Variants in PLGRKT observed in about 807,000 individuals in gnomAD.
PLGRKT encodes the protein plasminogen receptor with a C-terminal lysine, also known as plasminogen receptor (KT).
Under a neutral mutation model 18.5 loss-of-function variants are expected in PLGRKT, and 22 were observed. The observed-to-expected ratio is 1.19, with a 90% CI of 0.85 to 1.70. PLGRKT has a LOEUF of 1.70. Ranked by LOEUF, PLGRKT falls within the 40% of genes most tolerant of loss-of-function variation. PLGRKT has a pLI of 0.00. For synonymous variants in PLGRKT, 72 were observed against 52.8 expected (o/e 1.36, Z -1.58); for missense variants, 235 against 174.4 (o/e 1.35, Z -1.96).
intron 3 of PLGRKT, among the ~76,000 whole-genome samples, chr9:5,397,675 C>T (rs375065678): frequency 2.5e-4 from 37 of 149,154 alleles, no homozygotes; most frequent in African/African-American, 9.1e-4. Flanking sequence ...GGCTTGGAGG[C>T]ATCTGCCTAA....
upstream of PLGRKT, among the ~76,000 whole-genome samples, chr9:5,438,218 C>CT (rs960245611): frequency 7.9e-5 from 12 of 152,172 alleles, no homozygotes; most frequent in African/African-American, 2.4e-4. Flanking sequence ...ATTACCCATT[C>CT]TTTTTTGAAC....
In PLGRKT at chr9:5,396,437, C is replaced by T. The variant is rs143036952; in HGVS notation, c.82-34549G>A. ...AGTAGCTGGCACTACAGGCATGTACCACCACACATGGCTAATTTTTGTATT... is the reference window on the plus strand; with the variant it reads ...AGTAGCTGGCACTACAGGCATGTACTACCACACATGGCTAATTTTTGTATT... On this transcript the variant is annotated intron_variant, in intron 3 of 5. Transcript: ENST00000223864. 4.7e-3 allele frequency among the ~76,000 whole-genome samples: 713 copies of T among 151,408 alleles called. 17 individuals are homozygous for T. The highest frequency in any genetic ancestry group is 0.017 in the African/African-American group (694 of 41,010).
At chr9:5,364,448 T>C (rs962710691) in intron 3 of PLGRKT, among the ~76,000 whole-genome samples, 1 of 152,208 alleles carries the variant, frequency 6.6e-6, no homozygotes, top group Non-Finnish European at 1.5e-5. Flanking sequence ...ATTCTGCATT[T>C]GTCAAAACTC....
intron 3 of PLGRKT, among the ~76,000 whole-genome samples, chr9:5,370,323 A>G (rs749996068): frequency 3.4e-4 from 52 of 152,230 alleles, no homozygotes; most frequent in Non-Finnish European, 7.3e-4. Context: ...TCCACAGACT[A>G]TTTAATACAA....
At chr9:5,424,047 C>T (rs1818629231) in intron 3 of PLGRKT, among the ~76,000 whole-genome samples, 1 of 143,636 alleles carries the variant, frequency 7.0e-6, no homozygotes, top group Non-Finnish European at 1.5e-5. Flanking sequence ...ATACCATATG[C>T]ACACATCACA....
At chr9:5,436,859 C>T (rs966459454) in intron 1 of PLGRKT, among the ~76,000 whole-genome samples, 165 bp from the exon 2 acceptor site, 2 of 152,186 alleles carry the variant, frequency 1.3e-5, no homozygotes, top group Admixed American at 6.5e-5. Context: ...TCCTCTTGCT[C>T]ACAAAATATG....
At chr9:5,406,174 G>T (rs1051690363) in intron 3 of PLGRKT, among the ~76,000 whole-genome samples, 1 of 152,198 alleles carries the variant, frequency 6.6e-6, no homozygotes, top group Admixed American at 6.5e-5. Flanking sequence ...ATTTAAATTA[G>T]TTCAACCTTT....
intron 3 of PLGRKT, among the ~76,000 whole-genome samples, chr9:5,408,173 G>T (rs1429683156): frequency 2.0e-5 from 3 of 152,202 alleles, no homozygotes; most frequent in African/African-American, 7.2e-5. Context: ...CTGTGAAATG[G>T]GCAGAGGTTG....
At chr9:5,433,463 C>T (rs781379120) in intron 2 of PLGRKT, among the ~76,000 whole-genome samples, 41 of 148,624 alleles carry the variant, frequency 2.8e-4, no homozygotes, top group Non-Finnish European at 5.4e-4. Context: ...GCCGCCACCC[C>T]GTCTAGGAAG....
At chr9:5,401,702 CAAAAG>C (rs1818157308) in intron 3 of PLGRKT, among the ~76,000 whole-genome samples, 1 of 151,908 alleles carries the variant, frequency 6.6e-6, no homozygotes, top group Admixed American at 6.6e-5. Context: ...AACAGGTATT[CAAAAG>C]CCAATATCAC....
chr9:5,424,668 T>TTATATA lies in PLGRKT; in HGVS notation c.81+7223_81+7228dup, dbSNP rs375682412. Among the ~76,000 whole-genome samples, 113 of 113,148 alleles carry TTATATA rather than the reference T, an allele frequency of 1.0e-3. 4 individuals are homozygous for TTATATA. Among genetic ancestry groups the TTATATA allele is most frequent in the South Asian group, 4.3e-3 (17 of 3,944 alleles). 74.2% of individuals were successfully genotyped at this position (113,148 alleles called of 152,430 possible). ...ATTATATATAATATAATTATATATT[T>TTATATA]TATATATATATATATATATATATAC... On this transcript the variant is annotated intron_variant, in intron 3 of 5. Coordinates refer to ENST00000223864, the MANE Select transcript of PLGRKT (RefSeq NM_018465.4).
chr9:5,434,954 T>G (rs1818930798), intron 2 of PLGRKT, among the ~76,000 whole-genome samples: 1 of 152,112 alleles, frequency 6.6e-6, no homozygotes, highest in African/African-American at 2.4e-5. Flanking sequence ...CATAGGAGAC[T>G]CCATTTTGTT....
At chr9:5,423,505 GT>G (rs1486171880) in intron 3 of PLGRKT, among the ~76,000 whole-genome samples, 2 of 152,022 alleles carry the variant, frequency 1.3e-5, no homozygotes, top group African/African-American at 2.4e-5. Context: ...TTACAGACTT[GT>G]TTCTTCCCTC....
intron 3 of PLGRKT, among the ~76,000 whole-genome samples, chr9:5,398,437 G>C (rs1357289310): frequency 2.6e-5 from 4 of 152,092 alleles, no homozygotes; most frequent in East Asian, 1.9e-4. Context: ...GTGACACAAG[G>C]TTTTGCCTGG....
At chr9:5,392,127 T>G (rs1427535287) in intron 3 of PLGRKT, among the ~76,000 whole-genome samples, 1 of 151,928 alleles carries the variant, frequency 6.6e-6, no homozygotes, top group Non-Finnish European at 1.5e-5. Flanking sequence ...TCTGTGCCTT[T>G]GGGTTTTTTT....
At chr9:5,411,391 A>G (rs552025768) in intron 3 of PLGRKT, among the ~76,000 whole-genome samples, 96 of 149,852 alleles carry the variant, frequency 6.4e-4, no homozygotes, top group Admixed American at 1.3e-3. Flanking sequence ...TTTCAAAAAA[A>G]AAAAAAAAGA....
chr9:5,400,091 C>A (rs1195498564), intron 3 of PLGRKT, among the ~76,000 whole-genome samples: 1 of 151,784 alleles, frequency 6.6e-6, no homozygotes, highest in East Asian at 1.9e-4. Flanking sequence ...AAAAAATTCA[C>A]CAAAATTTGT....
At chr9:5,366,901 C>T (rs1426122922) in intron 3 of PLGRKT, among the ~76,000 whole-genome samples, 3 of 152,018 alleles carry the variant, frequency 2.0e-5, no homozygotes, top group Admixed American at 6.6e-5. Context: ...TAAACAACTT[C>T]AGTAAAGTTT....
At chr9:5,413,645 A>G (rs1417494132) in intron 3 of PLGRKT, among the ~76,000 whole-genome samples, 1 of 152,222 alleles carries the variant, frequency 6.6e-6, no homozygotes, top group Non-Finnish European at 1.5e-5. Flanking sequence ...TAGACCCTCC[A>G]GAAGAAATGC....
Sources: gnomAD v4.1 joint callset for allele counts (sites outside exome capture counted in the v4.1 genomes callset) on GRCh38, gnomAD v4.1.1 for gene constraint, MANE v1.5 for transcripts, NCBI Gene and HGNC (gene_info 2026-07-23, HGNC 2026-07-21) for gene names.